The following LAMA1 variants were observed in gnomAD, a reference collection of about 807,000 sequenced individuals.
LAMA1 encodes laminin subunit alpha 1, also known as laminin subunit alpha-1.
LAMA1 carries 219 observed loss-of-function variants against 348.7 expected under a neutral mutation model. The observed-to-expected ratio is 0.63, with a 90% CI of 0.56 to 0.70. The LOEUF is 0.70. LAMA1 is among the 30% of genes least tolerant of loss of function. The pLI, the probability that LAMA1 is intolerant of heterozygous loss-of-function variation, is 0.00. For missense variants in LAMA1, 3,744 were observed against 3,888.0 expected, an observed-to-expected ratio of 0.96 and a Z score of 0.99; for synonymous variants, 1,487 against 1,491.0, an observed-to-expected ratio of 1.00 and a Z score of 0.06.
chr18:7,107,116 A>C, intron 1 of LAMA1, among the ~76,000 whole-genome samples: 1 of 130,388 alleles, frequency 7.7e-6, no homozygotes, highest in Admixed American at 9.2e-5. Context: ...TTATGGAGAA[A>C]ACTCCTTTTT....
chr18:6,949,129 G>T lies in LAMA1; in HGVS notation c.8528C>A (p.Ser2843Tyr). The T allele has an allele frequency of 6.2e-7, 1 of 1,614,170 alleles. No homozygotes were observed. Among genetic ancestry groups the T allele is most frequent in the Non-Finnish European group, 8.5e-7 (1 of 1,180,032 alleles). The change falls in exon 59 of 63, where the codon TCC (serine) becomes TAC (tyrosine). Residue 2843 changes from serine to tyrosine, a missense_variant. This residue lies in a region of LAMA1 where 1,983 missense variants were observed against 1,934.3 expected (regional missense o/e 1.03). Transcript: ENST00000389658. ...TCCAATTTTCCTGGCCTGGTACTGGGAGGGCAGGCCTCCTAGGTAGAACAA... is the reference window on the plus strand; with the variant it reads ...TCCAATTTTCCTGGCCTGGTACTGGTAGGGCAGGCCTCCTAGGTAGAACAA... Reference protein sequence around the residue: ...EGLFYLGGLPSQYQARKIGNI... With the variant: ...EGLFYLGGLPYQYQARKIGNI...
Position 7,009,272 on chromosome 18 carries a change from T to C in LAMA1, c.3968A>G (p.Lys1323Arg). 1 of 1,614,094 alleles carries C rather than the reference T, an allele frequency of 6.2e-7. No individual in the cohort carries two copies. The highest frequency in any genetic ancestry group is 8.5e-7 in the Non-Finnish European group (1 of 1,179,970). The change falls in exon 27 of 63, where the codon AAG becomes AGG. Residue 1323 changes from lysine to arginine, a missense_variant. Lys to Arg is a conservative substitution (Grantham distance 26). Around this residue, in one of 3 missense-constraint regions of LAMA1, gnomAD observed 1,983 missense variants for 1,934.3 expected, o/e 1.03. Coordinates refer to ENST00000389658, the MANE Select transcript of LAMA1 (RefSeq NM_005559.4). The part of the protein sequence containing the change: ...VLSDIEYILI[K>R]ASYGQGLQQS... ...CTGTAATCCTTGACCATACGATGCCTTGATGAGGATGTACTCAATATCGCT... is the reference window on the plus strand; with the variant it reads ...CTGTAATCCTTGACCATACGATGCCCTGATGAGGATGTACTCAATATCGCT...
Position 6,986,221 on chromosome 18 carries a change from C to T in LAMA1, c.5295G>A (p.Glu1765=), listed in dbSNP as rs371987322. The change falls in exon 37 of 63, where the codon GAG becomes GAA. Residue 1765 remains glutamate (E), a synonymous_variant. Coordinates refer to ENST00000389658, the MANE Select transcript of LAMA1 (RefSeq NM_005559.4). ...SKHNNELKAA[E]ALVREAEAKM... ...TTGCCTCAGCTTCCCTCACGAGCGCCTCAGCCGCCTTTAGTTCATTGTTGT... is the reference window on the plus strand; with the variant it reads ...TTGCCTCAGCTTCCCTCACGAGCGCTTCAGCCGCCTTTAGTTCATTGTTGT... 1.2e-6 allele frequency: 2 copies of T among 1,614,080 alleles called. No individual in the cohort carries two copies. Among genetic ancestry groups the T allele is most frequent in the African/African-American group, 2.7e-5 (2 of 74,912 alleles).
chr18:6,993,306 G>C lies in LAMA1; in HGVS notation c.5008+335C>G, dbSNP rs1278059743. 5.9e-5 allele frequency among the ~76,000 whole-genome samples: 9 copies of C among 152,212 alleles called. No individual in the cohort carries two copies. The East Asian group carries it at 1.7e-3, about 29-fold the overall frequency. Reference sequence around the variant, plus strand: ...TATTCTAATGTGATGGATATACTTGGTACCTAACTGAAGTCCCAAATCCTG... The same window carrying C: ...TATTCTAATGTGATGGATATACTTGCTACCTAACTGAAGTCCCAAATCCTG... On this transcript the variant is annotated intron_variant, in intron 35 of 62. Transcript: ENST00000389658.
intron 1 of LAMA1, among the ~76,000 whole-genome samples, chr18:7,108,205 G>T (rs1423249864): frequency 6.6e-6 from 1 of 151,740 alleles, no homozygotes; most frequent in East Asian, 1.9e-4. Context: ...GCATGGCGGT[G>T]TGTGCCTGTA....
chr18:7,079,887 A>G, intron 3 of LAMA1, 88 bp downstream of exon 3: 1 of 943,722 alleles, frequency 1.1e-6, no homozygotes, highest in Non-Finnish European at 1.7e-6. Flanking sequence ...AAATGTGTTC[A>G]GAAAGAAGCC....
chr18:7,032,418 A>C (rs624644), intron 15 of LAMA1, among the ~76,000 whole-genome samples: 70,861 of 151,766 alleles, frequency 0.47, 17,982 homozygotes, highest in African/African-American at 0.67. Context: ...CACACACACA[A>C]AAACGTAATG....
chr18:7,083,699 A>G (rs2058202702), intron 1 of LAMA1, among the ~76,000 whole-genome samples: 1 of 152,166 alleles, frequency 6.6e-6, no homozygotes, highest in Admixed American at 6.5e-5. Context: ...CTTACATATT[A>G]TATTTACTCC....
intron 53 of LAMA1, chr18:6,960,758 T>G (rs752213806): frequency 3.3e-5 from 5 of 152,056 alleles, no homozygotes; most frequent in Non-Finnish European, 7.3e-5. Flanking sequence ...CGTGACATGT[T>G]TGGGTTCTGC....
At chr18:7,085,476 T>C (rs1218136369) in intron 1 of LAMA1, among the ~76,000 whole-genome samples, 1 of 144,972 alleles carries the variant, frequency 6.9e-6, no homozygotes, top group African/African-American at 2.6e-5. Context: ...TGTAGTGCAG[T>C]GGCACGATCT....
chr18:7,084,503 T>A (rs1598311656), intron 1 of LAMA1, among the ~76,000 whole-genome samples: 1 of 152,346 alleles, frequency 6.6e-6, no homozygotes, highest in Admixed American at 6.5e-5. Flanking sequence ...TTCACTTCAG[T>A]TACTGTTACT....
rs773423950 is a variant in LAMA1, at chr18:6,966,281, G to T, written c.6916C>A (p.Pro2306Thr). 1 of 1,613,736 alleles carries T rather than the reference G, an allele frequency of 6.2e-7. No homozygotes were observed. Among genetic ancestry groups the T allele is most frequent in the South Asian group, 1.1e-5 (1 of 90,880 alleles). Residue 2306 changes from proline to threonine, a missense_variant, in exon 49 of 63, where the codon CCT becomes ACT. Transcript: ENST00000389658. ...GCFGSSQNED[P>T]SFHFDGSGYS... ...CCACTCCCGTCAAAATGGAAGGAAG[G>T]GTCTTCATTCTGGGAGCTGCAAAGC...
intron 3 of LAMA1, among the ~76,000 whole-genome samples, chr18:7,058,890 AT>A (rs796687550): frequency 3.1e-4 from 47 of 150,840 alleles, no homozygotes; most frequent in African/African-American, 9.0e-4. Flanking sequence ...TAGTATGTAG[AT>A]TTTTTTTTTC....
At chr18:7,071,664 G>T (rs1229296911) in intron 3 of LAMA1, among the ~76,000 whole-genome samples, 1 of 152,188 alleles carries the variant, frequency 6.6e-6, no homozygotes, top group African/African-American at 2.4e-5. Flanking sequence ...ACTGGGAAAT[G>T]TTCATGCTAT....
intron 4 of LAMA1, 44 bp downstream of exon 4, chr18:7,050,650 T>A (rs771242399): frequency 3.1e-6 from 5 of 1,612,400 alleles, no homozygotes; most frequent in Non-Finnish European, 4.2e-6. Flanking sequence ...ACAGGGAGAC[T>A]CTGATGAGGA....
At chr18:7,075,949 A>G (rs1238760010) in intron 3 of LAMA1, among the ~76,000 whole-genome samples, 1 of 152,014 alleles carries the variant, frequency 6.6e-6, no homozygotes, top group African/African-American at 2.4e-5. Flanking sequence ...AAAAAAAAAA[A>G]AGTACTGATC....
At chr18:7,090,911 A>G (rs942449301) in intron 1 of LAMA1, among the ~76,000 whole-genome samples, 4 of 152,190 alleles carry the variant, frequency 2.6e-5, no homozygotes, top group Non-Finnish European at 5.9e-5. Context: ...GGGTTTTGTT[A>G]AGAGTTCCAT....
Position 6,986,155 on chromosome 18 carries a change from A to G in LAMA1, c.5361T>C (p.Ala1787=), listed in dbSNP as rs2057734218. The part of the protein sequence containing the change: ...ESNHLLLMVN[A]NLREFSDKKL... Reference sequence around the variant, plus strand: ...GACTCACACTGAATTCTCTCAGATTAGCATTGACCATGAGCAGCAGGTGGT... The same window carrying G: ...GACTCACACTGAATTCTCTCAGATTGGCATTGACCATGAGCAGCAGGTGGT... The change falls in exon 37 of 63, where the codon GCT becomes GCC. Residue 1787 remains alanine, a synonymous_variant. Transcript: ENST00000389658. 2 of 1,614,118 alleles carry G rather than the reference A, an allele frequency of 1.2e-6. No homozygotes were observed. Among genetic ancestry groups the G allele is most frequent in the Non-Finnish European group, 8.5e-7 (1 of 1,180,042 alleles).
intron 58 of LAMA1, among the ~76,000 whole-genome samples, chr18:6,949,638 T>C (rs1258974649): frequency 6.6e-6 from 1 of 152,186 alleles, no homozygotes; most frequent in African/African-American, 2.4e-5. Context: ...CAGTCCCTTC[T>C]GGAAATGGGA....
Sources: allele counts gnomAD v4.1 joint callset (sites outside exome capture counted in the v4.1 genomes callset), GRCh38; gene constraint gnomAD v4.1.1; regional missense constraint gnomAD v4.1.1; transcripts MANE v1.5; gene names NCBI Gene and HGNC (gene_info 2026-07-23, HGNC 2026-07-21).